Variants in NMNAT2 observed in about 807,000 individuals in gnomAD.
The protein encoded by NMNAT2 is nicotinamide/nicotinic acid mononucleotide adenylyltransferase 2.
In NMNAT2, 11 loss-of-function variants were observed where a neutral mutation model predicts 41.6. The ratio of observed to expected loss-of-function variants is 0.26; its 90% confidence interval spans 0.17 to 0.44. The LOEUF is 0.44. Among genes scored for constraint, NMNAT2 ranks in the 20% least tolerant of loss-of-function variants. The pLI is 1.00. For missense variants in NMNAT2, 288 were observed against 407.7 expected (o/e 0.71, Z 2.53); for synonymous variants, 148 against 151.2 (o/e 0.98, Z 0.16).
In NMNAT2 at chr1:183,388,360, G is replaced by T. The variant is rs1431954904; in HGVS notation, c.85+29823C>A. On this transcript the variant is annotated intron_variant, in intron 1 of 10. Coordinates refer to ENST00000287713, the MANE Select transcript of NMNAT2 (RefSeq NM_015039.4). ...TGGGGGCAGAGTGGGGCCCTTCTAGGGCTTTCTTCTCACTCTGGGCCAATT... is the reference window on the plus strand; with the variant it reads ...TGGGGGCAGAGTGGGGCCCTTCTAGTGCTTTCTTCTCACTCTGGGCCAATT... Among the ~76,000 whole-genome samples, 4 of 152,182 alleles carry T rather than the reference G, an allele frequency of 2.6e-5. No homozygotes were observed. The East Asian group carries it at 7.7e-4, about 29-fold the overall frequency.
At chr1:183,294,705 G>C (rs978109015) in intron 1 of NMNAT2, among the ~76,000 whole-genome samples, 3 of 152,106 alleles carry the variant, frequency 2.0e-5, no homozygotes, top group Admixed American at 2.0e-4. Context: ...CAGGAGAATC[G>C]CTTGAACCCG....
chr1:183,261,229 A>G lies in NMNAT2; in HGVS notation c.726T>C (p.Asn242=). The part of the protein sequence containing the change: ...RDAADTDRIM[N]HSSILRKYKN... ...TGTATTTGCGGAGTATTGAGGAGTG[A>G]TTCATGATTCGGTCTGTGTCGGCTG... Residue 242 remains asparagine (N), a synonymous_variant, in exon 9 of 11, where the codon AAT becomes AAC. Coordinates refer to ENST00000287713, the MANE Select transcript of NMNAT2 (RefSeq NM_015039.4). 6.2e-7 allele frequency: 1 copy of G among 1,614,198 alleles called. No homozygotes were observed. The highest frequency in any genetic ancestry group is 8.5e-7 in the Non-Finnish European group (1 of 1,180,040).
chr1:183,294,806 A>C (rs1661641016), intron 1 of NMNAT2, among the ~76,000 whole-genome samples: 2 of 152,050 alleles, frequency 1.3e-5, no homozygotes, highest in Non-Finnish European at 2.9e-5. Flanking sequence ...AAACAAAACA[A>C]AACAAAAATT....
chr1:183,290,355 A>C, intron 3 of NMNAT2, 149 bp from the exon 4 acceptor site: 1 of 604,306 alleles, frequency 1.7e-6, no homozygotes, highest in East Asian at 3.0e-5. Context: ...TGGGTGTGAA[A>C]CACTCTTCTG....
rs527772976 is a variant in NMNAT2 at position 183,342,055 on chromosome 1, C to A, written c.86-48262G>T. On this transcript the variant is annotated intron_variant, in intron 1 of 10. Coordinates refer to ENST00000287713, the MANE Select transcript of NMNAT2 (RefSeq NM_015039.4). ...TTTTTTTTTTTTACCAACCCTTTGGCATTGGGGAACCCCTGCCCACTGCCC... is the reference window on the plus strand; with the variant it reads ...TTTTTTTTTTTTACCAACCCTTTGGAATTGGGGAACCCCTGCCCACTGCCC... Among the ~76,000 whole-genome samples, 18 of 143,378 alleles carry A rather than the reference C, an allele frequency of 1.3e-4. No individual in the cohort carries two copies. The East Asian group carries it at 2.6e-3, about 21-fold the overall frequency. 94.1% of individuals were successfully genotyped at this position (143,378 alleles called of 152,430 possible).
At chr1:183,397,427 CTA>C (rs1648679572) in intron 1 of NMNAT2, among the ~76,000 whole-genome samples, 1 of 152,158 alleles carries the variant, frequency 6.6e-6, no homozygotes, top group Admixed American at 6.5e-5. Flanking sequence ...AAGACCAAAT[CTA>C]TGTCTGACTG....
At chr1:183,319,586 T>C (rs534553163) in intron 1 of NMNAT2, among the ~76,000 whole-genome samples, 3 of 152,362 alleles carry the variant, frequency 2.0e-5, no homozygotes, top group South Asian at 2.1e-4. Flanking sequence ...CTTGCCATGG[T>C]GACAGTGCCA....
chr1:183,374,476 T>G (rs1265387171), intron 1 of NMNAT2, among the ~76,000 whole-genome samples: 1 of 152,214 alleles, frequency 6.6e-6, no homozygotes, highest in African/African-American at 2.4e-5. Flanking sequence ...GGGGCTGTGA[T>G]TCACATCTGA....
chr1:183,348,441 C>T (rs1388512957), intron 1 of NMNAT2, among the ~76,000 whole-genome samples: 2 of 152,130 alleles, frequency 1.3e-5, no homozygotes, highest in Non-Finnish European at 2.9e-5. Context: ...AGGAACTGCA[C>T]CAAGCAAAAT....
At chr1:183,255,913 C>T (rs1660505148) in intron 10 of NMNAT2, among the ~76,000 whole-genome samples, 1 of 152,062 alleles carries the variant, frequency 6.6e-6, no homozygotes, top group Non-Finnish European at 1.5e-5. Flanking sequence ...ATCCACCTGC[C>T]TCCGCCTCCC....
intron 8 of NMNAT2, among the ~76,000 whole-genome samples, chr1:183,263,153 C>G (rs555847892): frequency 6.6e-6 from 1 of 152,060 alleles, no homozygotes; most frequent in African/African-American, 2.4e-5. Context: ...GCTCTGATGT[C>G]GCTGAAATAA....
chr1:183,282,139 G>C (rs143710166), intron 7 of NMNAT2, among the ~76,000 whole-genome samples: 2 of 152,192 alleles, frequency 1.3e-5, no homozygotes, highest in African/African-American at 4.8e-5. Context: ...GAACCTAAGT[G>C]TTCTCCATTC....
intron 1 of NMNAT2, among the ~76,000 whole-genome samples, chr1:183,326,590 T>C (rs1662469784): frequency 6.6e-6 from 1 of 152,026 alleles, no homozygotes. Flanking sequence ...TTCTAGAACT[T>C]GAAGAATCTA....
rs1168596002 is a variant in NMNAT2, at chr1:183,252,471, T to TG, written c.*169dup. 5 of 478,230 alleles carry TG rather than the reference T, an allele frequency of 1.0e-5. No individual in the cohort carries two copies. The highest frequency in any genetic ancestry group is 2.0e-5 in the Non-Finnish European group (5 of 250,862). 29.6% of individuals were successfully genotyped at this position (478,230 alleles called of 1,614,324 possible). On this transcript the variant is annotated 3_prime_UTR_variant, in exon 11 of 11. Coordinates refer to ENST00000287713, the MANE Select transcript of NMNAT2 (RefSeq NM_015039.4). ...AGGAAAGTCTGTCCAAAGATGACTG[T>TG]GGAATAGGGAATGCCATGGTTCTCT...
At chr1:183,273,961 A>G (rs1052443553) in intron 8 of NMNAT2, among the ~76,000 whole-genome samples, 4 of 150,558 alleles carry the variant, frequency 2.7e-5, no homozygotes, top group Non-Finnish European at 4.4e-5. Flanking sequence ...CACTCAGGCT[A>G]GAGTGCAGTG....
intron 1 of NMNAT2, among the ~76,000 whole-genome samples, chr1:183,317,664 T>G (rs1012070067): frequency 6.6e-6 from 1 of 152,154 alleles, no homozygotes; most frequent in African/African-American, 2.4e-5. Context: ...CGAGAAGACT[T>G]TTAGAGTTGA....
intron 1 of NMNAT2, among the ~76,000 whole-genome samples, chr1:183,361,547 A>G (rs1317852403): frequency 6.6e-6 from 1 of 152,232 alleles, no homozygotes; most frequent in African/African-American, 2.4e-5. Flanking sequence ...TAGATGCTCA[A>G]TAAATATTTT....
At chr1:183,382,348 T>G (rs909482509) in intron 1 of NMNAT2, among the ~76,000 whole-genome samples, 1 of 152,216 alleles carries the variant, frequency 6.6e-6, no homozygotes, top group African/African-American at 2.4e-5. Flanking sequence ...ACATGAGATT[T>G]GGGCAGGGAC....
chr1:183,281,038 G>A (rs1661254736), intron 7 of NMNAT2, among the ~76,000 whole-genome samples: 1 of 152,090 alleles, frequency 6.6e-6, no homozygotes, highest in Admixed American at 6.5e-5. Context: ...GCCAGCCTCG[G>A]CCTCCCAAAG....
Sources: gnomAD v4.1 joint callset for allele counts (sites outside exome capture counted in the v4.1 genomes callset) on GRCh38, gnomAD v4.1.1 for gene constraint, MANE v1.5 for transcripts, NCBI Gene and HGNC (gene_info 2026-07-23, HGNC 2026-07-21) for gene names.